The following VDR variants were observed in gnomAD, a reference collection of about 807,000 sequenced individuals.
The protein encoded by VDR is vitamin D receptor.
A neutral mutation model predicts 39.7 loss-of-function variants in VDR; 19 were observed. The ratio of observed to expected loss-of-function variants is 0.48; its 90% CI spans 0.33 to 0.70. The LOEUF (loss-of-function observed/expected upper bound fraction) is 0.70. Ranked by LOEUF, VDR falls within the 30% of genes least tolerant of loss-of-function variation. VDR has a pLI of 0.02. For missense variants in VDR, 442 were observed against 570.5 expected, an observed-to-expected ratio of 0.77 and a Z score of 2.29; for synonymous variants, 242 against 215.8, an observed-to-expected ratio of 1.12 and a Z score of -1.07.
intron 1 of VDR, chr12:47,897,107 G>A (rs1946477638): frequency 2.0e-5 from 3 of 152,298 alleles, no homozygotes; most frequent in Middle Eastern, 3.4e-3. Context: ...TGATTTAGTA[G>A]CTCAATGTCT....
intron 1 of VDR, among the ~76,000 whole-genome samples, chr12:47,892,799 G>C (rs1946394181): frequency 1.3e-5 from 2 of 152,316 alleles, no homozygotes; most frequent in East Asian, 1.9e-4. Flanking sequence ...GGTCTAGAGG[G>C]AGCATATGCA....
chr12:47,870,994 A>T (rs59707231), intron 3 of VDR, among the ~76,000 whole-genome samples: 44,607 of 151,870 alleles, frequency 0.29, 7,287 homozygotes, highest in East Asian at 0.69. Context: ...GCCTACATGT[A>T]TGTGAGAGGC....
At position 47,882,822 on chromosome 12, in the gene VDR, G is replaced by A. The variant is rs545925622; in HGVS notation, c.-83-48C>T. 3.5e-4 allele frequency: 505 copies of A among 1,462,758 alleles called. 9 individuals carry two copies. The South Asian group carries it at 5.6e-3, about 16-fold the overall frequency. 90.6% of individuals were successfully genotyped at this position (1,462,758 alleles called of 1,614,324 possible). On this transcript the variant is annotated intron_variant, in intron 1 of 9. Coordinates refer to ENST00000549336, the MANE Select transcript of VDR (RefSeq NM_000376.3). ...TTTTATCTAAGGCGGAGCGCTGACCGCCTCCCCAGTCTCTAAGGAAGTGGG... is the reference window on the plus strand; with the variant it reads ...TTTTATCTAAGGCGGAGCGCTGACCACCTCCCCAGTCTCTAAGGAAGTGGG...
rs904537338 is a variant in VDR, at chr12:47,842,838, C to T, written c.*1908G>A. On this transcript the variant is annotated 3_prime_UTR_variant, in exon 10 of 10. Transcript: ENST00000549336. The stretch of plus-strand genomic sequence containing the variant: ...GTCACGCCCTCCTCTGTCAGTTTTC[C>T]TGAATGAGGGGATTGACTCGTTTAG... The T allele has an allele frequency of 2.6e-5, 4 of 152,032 alleles. No homozygotes were observed. The highest frequency in any genetic ancestry group is 9.7e-5 in the African/African-American group (4 of 41,366). 9.4% of individuals were successfully genotyped at this position (152,032 alleles called of 1,614,324 possible).
intron 1 of VDR, among the ~76,000 whole-genome samples, chr12:47,904,382 C>T (rs1381940615): frequency 3.4e-5 from 5 of 148,248 alleles, no homozygotes; most frequent in Non-Finnish European, 7.4e-5. Context: ...CCCTGAGTTC[C>T]TCTGAACATC....
chr12:47,851,003 C>A (rs569954544), intron 7 of VDR, among the ~76,000 whole-genome samples: 16 of 152,270 alleles, frequency 1.1e-4, no homozygotes, highest in South Asian at 4.2e-4. Flanking sequence ...TTCTCAACAA[C>A]TTTTGTCCCT....
chr12:47,904,586 C>G, intron 1 of VDR: 6 of 1,535,880 alleles, frequency 3.9e-6, no homozygotes, highest in Non-Finnish European at 5.2e-6. Context: ...CAGTTCTGAG[C>G]ACCATCGACA....
intron 1 of VDR, among the ~76,000 whole-genome samples, chr12:47,900,963 G>A (rs746502303): frequency 6.6e-6 from 1 of 152,100 alleles, no homozygotes; most frequent in Non-Finnish European, 1.5e-5. Flanking sequence ...GGACCTGCAG[G>A]GCAGGTTTGC....
Position 47,878,958 on chromosome 12 carries a change from G to A in VDR, c.146+10C>T, listed in dbSNP as rs1565627595. On this transcript the variant is annotated intron_variant, in intron 3 of 9. Coordinates refer to ENST00000549336, the MANE Select transcript of VDR (RefSeq NM_000376.3). ...CTTTCCACTGGGGAGAGCCTGGGAG[G>A]AGGGCTCACCTGAAGAAGCCTTTGC... 2 of 1,614,134 alleles carry A rather than the reference G, an allele frequency of 1.2e-6. No homozygotes were observed. Among genetic ancestry groups the A allele is most frequent in the African/African-American group, 1.3e-5 (1 of 75,034 alleles).
In VDR at chr12:47,844,815, G is replaced by A. The variant is rs1246379624; in HGVS notation, c.1215C>T (p.Ser405=). The change falls in exon 10 of 10, where the codon TCC becomes TCT. Residue 405 remains serine, a synonymous_variant. Transcript: ENST00000549336. ...GCTTCATGCTGCACTCAGGCTGGAA[G>A]GAGAGGCAGCGGTACTGCTTGGAGT... The part of the protein sequence containing the change: ...EEHSKQYRCL[S]FQPECSMKLT... 6.2e-7 allele frequency: 1 copy of A among 1,614,206 alleles called. No individual in the cohort carries two copies. The highest frequency in any genetic ancestry group is 1.3e-5 in the African/African-American group (1 of 75,056).
chr12:47,850,778 C>T (rs1945369786), intron 7 of VDR, among the ~76,000 whole-genome samples: 1 of 151,458 alleles, frequency 6.6e-6, no homozygotes, highest in South Asian at 2.1e-4. Context: ...GTCTTCACGC[C>T]TGCAGCCGCT....
chr12:47,865,385 T>C (rs1449452571), intron 3 of VDR, among the ~76,000 whole-genome samples: 1 of 152,218 alleles, frequency 6.6e-6, no homozygotes, highest in Non-Finnish European at 1.5e-5. Flanking sequence ...GCTCCAATCA[T>C]GGCTTGTACT....
chr12:47,878,171 T>A (rs1404115943), intron 3 of VDR, among the ~76,000 whole-genome samples: 2 of 152,220 alleles, frequency 1.3e-5, no homozygotes, highest in East Asian at 3.8e-4. Flanking sequence ...TCTAGACCGC[T>A]AGACAGAAGA....
Position 47,873,652 on chromosome 12 carries a change from C to T in VDR, c.146+5316G>A, listed in dbSNP as rs186858773. ...CTGGGATTACAGGCGTGAGCCACCGCGCCCGGCCACCTGTTTTCTTTATAA... is the reference window on the plus strand; with the variant it reads ...CTGGGATTACAGGCGTGAGCCACCGTGCCCGGCCACCTGTTTTCTTTATAA... On this transcript the variant is annotated intron_variant, in intron 3 of 9. Transcript: ENST00000549336. 1.9e-4 allele frequency among the ~76,000 whole-genome samples: 29 copies of T among 152,246 alleles called. No individual in the cohort carries two copies. In the East Asian group the frequency reaches 3.3e-3, roughly 17 times the overall value.
intron 7 of VDR, among the ~76,000 whole-genome samples, chr12:47,849,858 T>C (rs1454282060): frequency 9.4e-6 from 1 of 106,430 alleles, no homozygotes; most frequent in African/African-American, 3.9e-5. Flanking sequence ...TTATTTATTT[T>C]AATTTTTTTT....
chr12:47,860,874 A>C (rs554727508), intron 4 of VDR, among the ~76,000 whole-genome samples: 1,721 of 152,348 alleles, frequency 0.011, 21 homozygotes, highest in Middle Eastern at 0.02. Flanking sequence ...ATAAAAAGAA[A>C]ATATTCGTAA....
chr12:47,851,521 C>T (rs921475481), intron 7 of VDR, among the ~76,000 whole-genome samples: 8 of 152,220 alleles, frequency 5.3e-5, no homozygotes, highest in African/African-American at 1.2e-4. Context: ...CCACACCCTC[C>T]GCCCCTGCCT....
At chr12:47,879,986 A>C (rs542679981) in intron 2 of VDR, among the ~76,000 whole-genome samples, 1 of 152,128 alleles carries the variant, frequency 6.6e-6, no homozygotes, top group Non-Finnish European at 1.5e-5. Flanking sequence ...TGACTCTTTC[A>C]TTAGCCAAAA....
At chr12:47,849,121 C>G (rs1449950546) in intron 7 of VDR, among the ~76,000 whole-genome samples, 1 of 151,818 alleles carries the variant, frequency 6.6e-6, no homozygotes, top group African/African-American at 2.4e-5. Context: ...TCCTGACTGT[C>G]TACTTCCTCC....
Sources: gnomAD v4.1 joint callset for allele counts (sites outside exome capture counted in the v4.1 genomes callset) on GRCh38, gnomAD v4.1.1 for gene constraint, MANE v1.5 for transcripts, NCBI Gene and HGNC (gene_info 2026-07-23, HGNC 2026-07-21) for gene names.